Variants in MTA2 observed in about 807,000 individuals in gnomAD.
MTA2 encodes the protein metastasis associated 1 family member 2.
MTA2 carries 22 observed loss-of-function variants against 87.1 expected under a neutral mutation model. That is an observed-to-expected ratio of 0.25 (90% confidence interval 0.18 to 0.36). The LOEUF (loss-of-function observed/expected upper bound fraction) is 0.36, where lower values mean the gene tolerates loss of function less well. Ranked by LOEUF, MTA2 falls within the 10% of genes least tolerant of loss-of-function variation. The pLI is 1.00. For missense variants in MTA2, 542 were observed against 853.2 expected, an observed-to-expected ratio of 0.64 and a Z score of 4.54; for synonymous variants, 314 against 310.1, an observed-to-expected ratio of 1.01 and a Z score of -0.13.
chr11:62,601,429 C>T lies in MTA2; in HGVS notation c.22G>A (p.Val8Met). 1 of 1,610,982 alleles carries T rather than the reference C, an allele frequency of 6.2e-7. No homozygotes were observed. Among genetic ancestry groups the T allele is most frequent in the Non-Finnish European group, 8.5e-7 (1 of 1,178,784 alleles). ...CCCTGCGCCCGGTACTCACCTCCCA[C>T]CCGGTACATGTTGGCCGCCATGGCC... MAANMYRVGDYVYFENSS... is the reference protein window; with the variant it reads MAANMYRMGDYVYFENSS... Residue 8 changes from valine to methionine, a missense_variant, in exon 1 of 18, where the codon GTG becomes ATG. By Grantham distance (21) the Val-to-Met change is conservative (BLOSUM62 1). Around this residue, in one of 6 missense-constraint regions of MTA2, gnomAD observed 150 missense variants for 243.9 expected, o/e 0.62. Transcript: ENST00000278823.
chr11:62,597,986 A>G (rs747848964), intron 6 of MTA2, 38 bp downstream of exon 6: 1 of 1,564,288 alleles, frequency 6.4e-7, no homozygotes, highest in Non-Finnish European at 8.8e-7. Flanking sequence ...TTGGAATTAG[A>G]CAACCTGGTA....
In MTA2 at chr11:62,594,585, C is replaced by T. The variant is rs199862541; in HGVS notation, c.1623G>A (p.Pro541=). 7 of 1,614,096 alleles carry T rather than the reference C, an allele frequency of 4.3e-6. No individual in the cohort carries two copies. The highest frequency in any genetic ancestry group is 2.7e-5 in the African/African-American group (2 of 74,998). The change falls in exon 16 of 18, where the codon CCG becomes CCA. Residue 541 remains proline (P), a synonymous_variant. Transcript: ENST00000278823. ...KPKTPRGTKT[P]INRNQLSQNR... ...TCTGGGACAGCTGGTTTCTGTTGAT[C>T]GGTGTCTTGGTACCCCGAGGTGTTT...
At chr11:62,596,177 TCA>T in intron 11 of MTA2, 70 bp from the exon 12 acceptor site, 2 of 1,596,396 alleles carry the variant, frequency 1.3e-6, no homozygotes, top group Non-Finnish European at 1.7e-6. Context: ...ATTTCCACTC[TCA>T]GTGTGCCCCT....
chr11:62,597,246 C>T, intron 8 of MTA2, 70 bp downstream of exon 8: 1 of 1,084,494 alleles, frequency 9.2e-7, no homozygotes, highest in South Asian at 1.4e-5. Context: ...ATACCCTCCT[C>T]TTCTGTTCCC....
At position 62,594,190 on chromosome 11, in the gene MTA2, A is replaced by ATACTCC; in HGVS notation, c.1841+63_1841+68dup. 3.8e-6 allele frequency: 6 copies of ATACTCC among 1,592,478 alleles called. No individual in the cohort carries two copies. The Admixed American group carries it at 1.0e-4, about 28-fold the overall frequency. ...CAACTTTCCTGGAGCTCTTGCTCTG[A>ATACTCC]TACTCCTACTCCCCACACTCACCAG... On this transcript the variant is annotated intron_variant, in intron 17 of 17. Coordinates refer to ENST00000278823, the MANE Select transcript of MTA2 (RefSeq NM_004739.4).
chr11:62,600,364 C>T, intron 2 of MTA2, 105 bp from the exon 3 acceptor site: 1 of 1,055,072 alleles, frequency 9.5e-7, no homozygotes, highest in Non-Finnish European at 1.4e-6. Flanking sequence ...TTCAGAGGGA[C>T]CTAAATTAAA....
Position 62,594,246 on chromosome 11 carries a change from G to C in MTA2, c.1841+13C>G, listed in dbSNP as rs771547466. ...ACTGTCCCTCTCAGCCCCTCCCATG[G>C]TAGACGCCTTACCTGGTATCCTTTG... is the stretch of plus-strand genomic sequence containing the variant. On this transcript the variant is annotated intron_variant, in intron 17 of 17. Transcript: ENST00000278823. 5.6e-6 allele frequency: 9 copies of C among 1,613,916 alleles called. No individual in the cohort carries two copies. The highest frequency in any genetic ancestry group is 7.6e-6 in the Non-Finnish European group (9 of 1,180,002).
chr11:62,594,901 GA>G (rs1942077297), intron 15 of MTA2, 79 bp downstream of exon 15: 8 of 1,325,348 alleles, frequency 6.0e-6, no homozygotes, highest in Non-Finnish European at 7.4e-6. Flanking sequence ...CTATGAGGAA[GA>G]AAAAAAGCAA....
At chr11:62,598,752 T>C in intron 3 of MTA2, 113 bp from the exon 4 acceptor site, 1 of 948,360 alleles carries the variant, frequency 1.1e-6, no homozygotes, top group South Asian at 1.5e-5. Context: ...TTTCTCACAT[T>C]TCCCAGGCGT....
chr11:62,596,938 C>T (rs1942106559), intron 8 of MTA2, 113 bp from the exon 9 acceptor site: 1 of 1,076,860 alleles, frequency 9.3e-7, no homozygotes, highest in South Asian at 1.6e-5. Flanking sequence ...ACCCATAATC[C>T]CAGCACTTTG....
At position 62,600,625 on chromosome 11, in the gene MTA2, G is replaced by A. The variant is rs1468208793; in HGVS notation, c.93C>T (p.Asn31=). The A allele has an allele frequency of 6.2e-7, 1 of 1,613,618 alleles. No individual in the cohort carries two copies. The highest frequency in any genetic ancestry group is 8.5e-7 in the Non-Finnish European group (1 of 1,179,716). ...PYLVRRIEEL[N]KTANGNVEAK... ...AGAGGGATTCTGCTCCACTCACCTT[G>A]TTGAGCTCCTCAATCCGTCTAACCA... The change falls in exon 2 of 18, where the codon AAC becomes AAT. Residue 31 remains asparagine (N), a synonymous_variant. Coordinates refer to ENST00000278823, the MANE Select transcript of MTA2 (RefSeq NM_004739.4).
Position 62,596,064 on chromosome 11 carries a change from G to A in MTA2, c.1060C>T (p.Pro354Ser). ...PNQIISVGSK[P>S]GMNGAGFQKG... ...TGAAATCCAGCCCCATTCATGCCAGGTTTTGAACCCACAGAAATGATCTGG... is the reference window on the plus strand; with the variant it reads ...TGAAATCCAGCCCCATTCATGCCAGATTTTGAACCCACAGAAATGATCTGG... Residue 354 changes from proline to serine, a missense_variant, in exon 12 of 18, where the codon CCT becomes TCT. Physicochemically the swap from Pro to Ser is moderately conservative, Grantham distance 74 (BLOSUM62 -1). Transcript: ENST00000278823. 6.2e-7 allele frequency: 1 copy of A among 1,614,144 alleles called. No homozygotes were observed. The highest frequency in any genetic ancestry group is 8.5e-7 in the Non-Finnish European group (1 of 1,180,030).
intron 8 of MTA2, 151 bp downstream of exon 8, chr11:62,597,165 G>T (rs544741817): frequency 4.8e-6 from 3 of 630,142 alleles, no homozygotes; most frequent in East Asian, 5.8e-5. Flanking sequence ...CTCCAGCCTG[G>T]GCGACAGAGC....
rs769340255 is a variant in MTA2 at position 62,600,651 on chromosome 11, G to A, written c.67C>T (p.Leu23=). ...YFENSSSNPY[L]VRRIEELNKT... The stretch of plus-strand genomic sequence containing the variant: ...TTGAGCTCCTCAATCCGTCTAACCA[G>A]GTAAGGATTGCTGGAAGAGTTCTCA... The change falls in exon 2 of 18, where the codon CTG becomes TTG. Residue 23 remains leucine (L), a synonymous_variant. Transcript: ENST00000278823. The A allele has an allele frequency of 5.6e-6, 9 of 1,613,928 alleles. No individual in the cohort carries two copies. The Admixed American group carries it at 1.5e-4, about 27-fold the overall frequency.
intron 5 of MTA2, 33 bp from the exon 6 acceptor site, chr11:62,598,174 A>G (rs774705079): frequency 5.0e-6 from 8 of 1,606,792 alleles, no homozygotes; most frequent in South Asian, 1.1e-5. Flanking sequence ...TAAGCAAGGC[A>G]GCAATCCACA....
intron 3 of MTA2, 58 bp downstream of exon 3, chr11:62,600,108 G>T: frequency 6.7e-7 from 1 of 1,483,018 alleles, no homozygotes; most frequent in Non-Finnish European, 9.4e-7. Context: ...TACCTGCAGG[G>T]ACATGCCCAG....
intron 8 of MTA2, 133 bp downstream of exon 8, chr11:62,597,183 C>T: frequency 1.5e-6 from 1 of 673,752 alleles, no homozygotes; most frequent in Non-Finnish European, 2.5e-6. Flanking sequence ...AGCAAGACTC[C>T]TCTCAAAACA....
chr11:62,595,429 T>C lies in MTA2; in HGVS notation c.1318A>G (p.Ser440Gly). 6.2e-7 allele frequency: 1 copy of C among 1,614,246 alleles called. No individual in the cohort carries two copies. The highest frequency in any genetic ancestry group is 8.5e-7 in the Non-Finnish European group (1 of 1,180,044). The change falls in exon 14 of 18, where the codon AGC (serine) becomes GGC (glycine). Residue 440 changes from serine to glycine, a missense_variant. Around this residue, in one of 6 missense-constraint regions of MTA2, gnomAD observed 269 missense variants for 346.4 expected, o/e 0.78. Transcript: ENST00000278823. This position sits in a 1 kb window ranked among gnomAD's most constrained non-coding sequence, Gnocchi z 4.9. Reference sequence around the variant, plus strand: ...GCCAGTAGCTTGGCCCTGTTGGCGCTGGTTGTGTAAGGAGAGAGACTTTGA... The same window carrying C: ...GCCAGTAGCTTGGCCCTGTTGGCGCCGGTTGTGTAAGGAGAGAGACTTTGA... ...EAQSLSPYTT[S>G]ANRAKLLAKN...
chr11:62,601,748 C>T lies in MTA2; in HGVS notation c.-298G>A. 1.9e-6 allele frequency: 1 copy of T among 515,814 alleles called. No individual in the cohort carries two copies. The allele number at this position is 515,814 out of a possible 1,614,324, so 32.0% of individuals were successfully genotyped here. On this transcript the variant is annotated 5_prime_UTR_variant, in exon 1 of 18. Coordinates refer to ENST00000278823, the MANE Select transcript of MTA2 (RefSeq NM_004739.4). Reference sequence around the variant, plus strand: ...GAGCCAGGCTCCAGCTACCCCCGCCCCCGCGGAGTCCCACTAGTCGTTGGG... The same window carrying T: ...GAGCCAGGCTCCAGCTACCCCCGCCTCCGCGGAGTCCCACTAGTCGTTGGG...
Sources: allele counts gnomAD v4.1 joint callset, GRCh38; gene constraint gnomAD v4.1.1; regional missense constraint gnomAD v4.1.1; non-coding constraint Gnocchi (gnomAD v3.1); transcripts MANE v1.5; gene names NCBI Gene and HGNC (gene_info 2026-07-23, HGNC 2026-07-21).